The following FGF12 variants were observed in gnomAD, a reference collection of about 807,000 sequenced individuals.
The protein encoded by FGF12 is fibroblast growth factor 12B.
In FGF12, 14 loss-of-function variants were observed where a neutral mutation model predicts 23.6. That is an observed-to-expected ratio of 0.59 (90% CI 0.39 to 0.93). The LOEUF is 0.93. Ranked by LOEUF, FGF12 falls within the 40% of genes least tolerant of loss-of-function variation. FGF12 has a pLI of 0.00. For missense variants in FGF12, 175 were observed against 217.8 expected, an observed-to-expected ratio of 0.80 and a Z score of 1.24; for synonymous variants, 62 against 77.3, an observed-to-expected ratio of 0.80 and a Z score of 1.04.
intron 2 of FGF12, among the ~76,000 whole-genome samples, chr3:192,519,427 C>A (rs189239649): frequency 6.6e-6 from 1 of 152,166 alleles, no homozygotes; most frequent in Non-Finnish European, 1.5e-5. Flanking sequence ...ATGTTGTATC[C>A]TTCTTAGTAT....
In FGF12 at chr3:192,709,155, C is replaced by T. The variant is rs145514165; in HGVS notation, c.13+18026G>A. 6.3e-3 allele frequency among the ~76,000 whole-genome samples: 966 copies of T among 152,166 alleles called. 11 individuals carry two copies. Among genetic ancestry groups the T allele is most frequent in the African/African-American group, 0.021 (892 of 41,504 alleles). On this transcript the variant is annotated intron_variant, in intron 2 of 5. Coordinates refer to ENST00000445105, the MANE Select transcript of FGF12 (RefSeq NM_004113.6). ...AAAAATATATTGCAAAATGACACAC[C>T]GAAGCTTCATCCAGACAACTATCCC...
chr3:192,630,648 G>A (rs1715353491), intron 2 of FGF12, among the ~76,000 whole-genome samples: 1 of 150,358 alleles, frequency 6.7e-6, no homozygotes, highest in African/African-American at 2.5e-5. Flanking sequence ...TGTCTCCCAG[G>A]TTCACCCCAT....
At chr3:192,676,645 T>C (rs1408998169) in intron 2 of FGF12, among the ~76,000 whole-genome samples, 1 of 152,152 alleles carries the variant, frequency 6.6e-6, no homozygotes, top group Non-Finnish European at 1.5e-5. Context: ...CTTACACAGG[T>C]AATCAAGTTA....
At chr3:192,287,190 A>G (rs150108379) in intron 4 of FGF12, among the ~76,000 whole-genome samples, 1 of 152,144 alleles carries the variant, frequency 6.6e-6, no homozygotes, top group African/African-American at 2.4e-5. Flanking sequence ...ATCGACTACC[A>G]TAATAATTTA....
At chr3:192,290,641 G>A (rs2108649025) in intron 4 of FGF12, among the ~76,000 whole-genome samples, 1 of 152,274 alleles carries the variant, frequency 6.6e-6, no homozygotes, top group East Asian at 1.9e-4. Flanking sequence ...CTGCTCGTGA[G>A]TAGCAGGGAT....
intron 4 of FGF12, among the ~76,000 whole-genome samples, chr3:192,221,866 T>C (rs1003776815): frequency 6.6e-6 from 1 of 152,114 alleles, no homozygotes; most frequent in African/African-American, 2.4e-5. Context: ...ATGATATAAA[T>C]ACCACCAAGG....
At chr3:192,258,676 A>G (rs1296574421) in intron 4 of FGF12, among the ~76,000 whole-genome samples, 1 of 152,176 alleles carries the variant, frequency 6.6e-6, no homozygotes, top group African/African-American at 2.4e-5. Flanking sequence ...ACTATTAAAG[A>G]AAGTATAAAA....
intron 2 of FGF12, among the ~76,000 whole-genome samples, chr3:192,405,786 T>C (rs1720934468): frequency 6.6e-6 from 1 of 152,252 alleles, no homozygotes; most frequent in African/African-American, 2.4e-5. Context: ...GAATCATGGC[T>C]GCTGACAGCA....
intron 2 of FGF12, among the ~76,000 whole-genome samples, chr3:192,657,630 T>C (rs1716486586): frequency 6.6e-6 from 1 of 152,184 alleles, no homozygotes; most frequent in Non-Finnish European, 1.5e-5. Context: ...GTTAAATCTA[T>C]GAGATTCGGA....
chr3:192,461,855 T>C (rs2108807966), intron 2 of FGF12, among the ~76,000 whole-genome samples: 1 of 152,092 alleles, frequency 6.6e-6, no homozygotes, highest in Admixed American at 6.5e-5. Context: ...CCAGGCATGG[T>C]GGTGCGTGCC....
At chr3:192,363,793 A>T (rs1235794370) in intron 2 of FGF12, among the ~76,000 whole-genome samples, 2 of 152,198 alleles carry the variant, frequency 1.3e-5, no homozygotes, top group African/African-American at 4.8e-5. Flanking sequence ...GAAAGGAGGT[A>T]TAAAATGAGA....
At chr3:192,157,652 T>C (rs1714498220) in intron 5 of FGF12, among the ~76,000 whole-genome samples, 1 of 152,194 alleles carries the variant, frequency 6.6e-6, no homozygotes, top group Admixed American at 6.5e-5. Context: ...CATTCAACAA[T>C]AACTTCTATT....
At chr3:192,225,407 T>C (rs1718682275) in intron 4 of FGF12, among the ~76,000 whole-genome samples, 1 of 152,134 alleles carries the variant, frequency 6.6e-6, no homozygotes, top group South Asian at 2.1e-4. Flanking sequence ...TCAATCCTAC[T>C]CTTGCTACCA....
intron 2 of FGF12, among the ~76,000 whole-genome samples, chr3:192,432,374 C>T (rs1721883311): frequency 6.6e-6 from 1 of 152,056 alleles, no homozygotes; most frequent in African/African-American, 2.4e-5. Context: ...ATTCCAAAAA[C>T]ACAACAAGAT....
chr3:192,699,101 A>T (rs1718217041), intron 2 of FGF12, among the ~76,000 whole-genome samples: 1 of 152,096 alleles, frequency 6.6e-6, no homozygotes, highest in South Asian at 2.1e-4. Flanking sequence ...AATCCTTATA[A>T]CCCATTTGCA....
chr3:192,438,611 A>G (rs535744353), intron 2 of FGF12, among the ~76,000 whole-genome samples: 1 of 152,336 alleles, frequency 6.6e-6, no homozygotes, highest in Non-Finnish European at 1.5e-5. Flanking sequence ...GAAGGGTAAA[A>G]GCCAGGGAAG....
At chr3:192,634,440 G>A (rs1715506372) in intron 2 of FGF12, among the ~76,000 whole-genome samples, 1 of 152,062 alleles carries the variant, frequency 6.6e-6, no homozygotes, top group African/African-American at 2.4e-5. Flanking sequence ...ATACAGGGAG[G>A]ATGTGCATAG....
chr3:192,723,855 G>A (rs528424099), intron 2 of FGF12, among the ~76,000 whole-genome samples: 1 of 143,728 alleles, frequency 7.0e-6, no homozygotes, highest in East Asian at 2.2e-4. Flanking sequence ...GAGTGTGTGT[G>A]TGTGTGTGAG....
rs139077841 is a variant in FGF12 at position 192,482,856 on chromosome 3, T to C, written c.14-122318A>G. Among the ~76,000 whole-genome samples, 1,046 of 152,306 alleles carry C rather than the reference T, an allele frequency of 6.9e-3. 12 individuals are homozygous for C. The highest frequency in any genetic ancestry group is 0.024 in the African/African-American group (1,017 of 41,572). ...TAATAAAATATTTATTATTCACATA[T>C]GATTTCCACAAAATGAATAGTATTT... On this transcript the variant is annotated intron_variant, in intron 2 of 5. Coordinates refer to ENST00000445105, the MANE Select transcript of FGF12 (RefSeq NM_004113.6).
Sources: gnomAD v4.1 joint callset for allele counts (sites outside exome capture counted in the v4.1 genomes callset) on GRCh38, gnomAD v4.1.1 for gene constraint, MANE v1.5 for transcripts, NCBI Gene and HGNC (gene_info 2026-07-23, HGNC 2026-07-21) for gene names.